CHAF1B: variants seen among roughly 807,000 people sequenced by gnomAD.
The protein encoded by CHAF1B is CAF-1 subunit B.
In CHAF1B, 10 loss-of-function variants were observed where a neutral mutation model predicts 60.7. That is an observed-to-expected ratio of 0.16 (90% CI 0.10 to 0.28). CHAF1B has a LOEUF of 0.28. Ranked by LOEUF, CHAF1B falls within the 10% of genes least tolerant of loss-of-function variation. The pLI is 1.00. For missense variants in CHAF1B, 558 were observed against 708.4 expected, an observed-to-expected ratio of 0.79 and a Z score of 2.41; for synonymous variants, 261 against 266.1, an observed-to-expected ratio of 0.98 and a Z score of 0.19.
chr21:36,404,994 T>C (rs957731600), intron 8 of CHAF1B, among the ~76,000 whole-genome samples: 1 of 152,134 alleles, frequency 6.6e-6, no homozygotes, highest in African/African-American at 2.4e-5. Context: ...TCTGCCCACC[T>C]TGGCCTCCCA....
chr21:36,391,552 T>A lies in CHAF1B; in HGVS notation c.261T>A (p.Asp87Glu). 1 of 1,597,424 alleles carries A rather than the reference T, an allele frequency of 6.3e-7. No individual in the cohort carries two copies. The highest frequency in any genetic ancestry group is 8.6e-7 in the Non-Finnish European group (1 of 1,165,682). Reference sequence around the variant, plus strand: ...CACTGTTACTGAATCACCCTGCAGATGCTGTCATCCTATTGTGGAAGGTGA... The same window carrying A: ...CACTGTTACTGAATCACCCTGCAGAAGCTGTCATCCTATTGTGGAAGGTGA... ...TGEILASGGDDAVILLWKVND... is the reference protein window; with the variant it reads ...TGEILASGGDEAVILLWKVND... Residue 87 changes from aspartate (D) to glutamate (E), a missense_variant and splice_region_variant, in exon 4 of 14, where the codon GAT becomes GAA. Coordinates refer to ENST00000314103, the MANE Select transcript of CHAF1B (RefSeq NM_005441.3).
Position 36,404,732 on chromosome 21 carries a change from C to CT in CHAF1B, c.757+1908dup, listed in dbSNP as rs61593376. On this transcript the variant is annotated intron_variant, in intron 8 of 13. Transcript: ENST00000314103. The stretch of plus-strand genomic sequence containing the variant: ...TATAGGTGTGAGCCATTGCGCTGGC[C>CT]TTTTTTTTTTTTTTTTTTTTTTTTT... Among the ~76,000 whole-genome samples the CT allele has an allele frequency of 1.2e-3, 63 of 50,556 alleles. 1 individual carries two copies. The highest frequency in any genetic ancestry group is 1.6e-3 in the Non-Finnish European group (49 of 29,858). The allele number at this position is 50,556 out of a possible 152,430, so 33.2% of individuals were successfully genotyped here.
rs1480454273 is a variant in CHAF1B, at chr21:36,386,055, A to T, written c.-77-5A>T. Reference sequence around the variant, plus strand: ...TGTTAACACTGTTGTTTAATCCATCACCAGCATTTTGCAGCTTTCTCCTGT... The same window carrying T: ...TGTTAACACTGTTGTTTAATCCATCTCCAGCATTTTGCAGCTTTCTCCTGT... On this transcript the variant is annotated splice_polypyrimidine_tract_variant and splice_region_variant and intron_variant, in intron 1 of 13. Transcript: ENST00000314103. 4.5e-6 allele frequency: 7 copies of T among 1,559,396 alleles called. No individual in the cohort carries two copies. Among genetic ancestry groups the T allele is most frequent in the Non-Finnish European group, 6.1e-6 (7 of 1,138,728 alleles).
At chr21:36,400,069 C>T (rs1205921516) in intron 7 of CHAF1B, among the ~76,000 whole-genome samples, 1 of 152,082 alleles carries the variant, frequency 6.6e-6, no homozygotes, top group Non-Finnish European at 1.5e-5. Context: ...CCCAGCTACT[C>T]GGGAGGCTGA....
intron 3 of CHAF1B, 50 bp from the exon 4 acceptor site, chr21:36,391,501 T>A: frequency 9.3e-7 from 1 of 1,073,726 alleles, no homozygotes; most frequent in South Asian, 1.3e-5. Context: ...AATCCTAATA[T>A]GAAGGAGTGT....
intron 11 of CHAF1B, 116 bp from the exon 12 acceptor site, chr21:36,412,768 C>T: frequency 2.1e-6 from 2 of 935,406 alleles, no homozygotes; most frequent in Non-Finnish European, 3.2e-6. Context: ...CCAGTTGTAT[C>T]TTTTCCCTGG....
At chr21:36,410,568 T>G (rs2086269895) in intron 10 of CHAF1B, among the ~76,000 whole-genome samples, 1 of 152,136 alleles carries the variant, frequency 6.6e-6, no homozygotes, top group African/African-American at 2.4e-5. Context: ...CTTGGTCCCA[T>G]CCAGTGTGTT....
At chr21:36,407,437 A>G (rs945807641) in intron 8 of CHAF1B, among the ~76,000 whole-genome samples, 2 of 152,216 alleles carry the variant, frequency 1.3e-5, no homozygotes, top group African/African-American at 2.4e-5. Context: ...TTATGCAGCT[A>G]CAAAAAAATA....
At chr21:36,397,634 GT>G (rs1301848107) in intron 6 of CHAF1B, 123 bp downstream of exon 6, 1 of 363,698 alleles carries the variant, frequency 2.7e-6, no homozygotes, top group Non-Finnish European at 4.9e-6. Flanking sequence ...TTTTGTTCTT[GT>G]TTTCATACTC....
At chr21:36,406,281 C>T (rs1486636912) in intron 8 of CHAF1B, among the ~76,000 whole-genome samples, 1 of 152,104 alleles carries the variant, frequency 6.6e-6, no homozygotes, top group Non-Finnish European at 1.5e-5. Context: ...TGAGATTGGA[C>T]AAAGACCTAT....
At chr21:36,400,065 T>C (rs893805235) in intron 7 of CHAF1B, among the ~76,000 whole-genome samples, 1 of 152,104 alleles carries the variant, frequency 6.6e-6, no homozygotes, top group African/African-American at 2.4e-5. Flanking sequence ...TAATCCCAGC[T>C]ACTCGGGAGG....
chr21:36,386,029 CTGT>C (rs2086029061), intron 1 of CHAF1B, 28 bp from the exon 2 acceptor site: 1 of 1,363,898 alleles, frequency 7.3e-7, no homozygotes, highest in Non-Finnish European at 1.0e-6. Context: ...CCCTTTGCTG[CTGT>C]TAACACTGTT....
At position 36,417,292 on chromosome 21, in the gene CHAF1B, A is replaced by T. The variant is rs2086327038; in HGVS notation, c.*926A>T. 1.3e-5 allele frequency: 2 copies of T among 150,892 alleles called. No individual in the cohort carries two copies. Among genetic ancestry groups the T allele is most frequent in the South Asian group, 4.2e-4 (2 of 4,786 alleles). 9.3% of individuals were successfully genotyped at this position (150,892 alleles called of 1,614,324 possible). Reference sequence around the variant, plus strand: ...ACATATATATGATACATATATATATATATACACACACACACAAGTATGTGT... The same window carrying T: ...ACATATATATGATACATATATATATTTATACACACACACACAAGTATGTGT... On this transcript the variant is annotated 3_prime_UTR_variant, in exon 14 of 14. Transcript: ENST00000314103.
Position 36,408,836 on chromosome 21 carries a change from C to T in CHAF1B, c.827+6C>T. 2.5e-6 allele frequency: 4 copies of T among 1,578,692 alleles called. No homozygotes were observed. Among genetic ancestry groups the T allele is most frequent in the South Asian group, 1.1e-5 (1 of 90,254 alleles). ...TCCAGGAAGAATCTTAAAAGGTATGCAGTCAAGGAAATGTTTGAAATGTTT... is the reference window on the plus strand; with the variant it reads ...TCCAGGAAGAATCTTAAAAGGTATGTAGTCAAGGAAATGTTTGAAATGTTT... On this transcript the variant is annotated splice_donor_region_variant and intron_variant, in intron 9 of 13. Coordinates refer to ENST00000314103, the MANE Select transcript of CHAF1B (RefSeq NM_005441.3).
chr21:36,394,717 T>A, intron 5 of CHAF1B, 67 bp downstream of exon 5: 4 of 979,358 alleles, frequency 4.1e-6, no homozygotes, highest in Non-Finnish European at 6.0e-6. Context: ...CCTAAAAGTC[T>A]AACTTGCTTT....
Position 36,412,919 on chromosome 21 carries a change from C to T in CHAF1B, c.1097C>T (p.Thr366Met), listed in dbSNP as rs777040850. Residue 366 changes from threonine (T) to methionine (M), a missense_variant, in exon 12 of 14, where the codon ACG (threonine) becomes ATG (methionine). Thr to Met is a moderately conservative substitution (Grantham distance 81). Transcript: ENST00000314103. Reference protein sequence around the residue: ...SDGAFLAISSTDGYCSFVTFE... With the variant: ...SDGAFLAISSMDGYCSFVTFE... ...GGTGCCTTCCTGGCCATTTCTTCCA[C>T]GGACGGTTACTGCTCATTTGTGACA... is the stretch of plus-strand genomic sequence containing the variant. The T allele has an allele frequency of 9.3e-6, 15 of 1,613,960 alleles. No individual in the cohort carries two copies. The East Asian group carries it at 2.4e-4, about 26-fold the overall frequency.
intron 8 of CHAF1B, among the ~76,000 whole-genome samples, chr21:36,405,967 A>G (rs763557316): frequency 2.0e-5 from 3 of 152,114 alleles, no homozygotes; most frequent in Middle Eastern, 3.2e-3. Flanking sequence ...TAAAAAAAAA[A>G]CAGTGATACT....
chr21:36,414,625 C>T (rs1395167565), intron 12 of CHAF1B, among the ~76,000 whole-genome samples: 2 of 151,766 alleles, frequency 1.3e-5, no homozygotes, highest in African/African-American at 4.8e-5. Context: ...TTTATTTATT[C>T]ATTTGAGACA....
At chr21:36,407,256 C>T (rs13046178) in intron 8 of CHAF1B, among the ~76,000 whole-genome samples, 99 of 150,810 alleles carry the variant, frequency 6.6e-4, no homozygotes, top group East Asian at 1.9e-3. Context: ...GAGCCAAGAT[C>T]GCACCACTGC....
Sources: gnomAD v4.1 joint callset for allele counts (sites outside exome capture counted in the v4.1 genomes callset) on GRCh38, gnomAD v4.1.1 for gene constraint, MANE v1.5 for transcripts, NCBI Gene and HGNC (gene_info 2026-07-23, HGNC 2026-07-21) for gene names.